ZNF395: variants seen among roughly 807,000 people sequenced by gnomAD.
ZNF395 encodes HD gene regulatory region-binding protein 2.
A neutral mutation model predicts 57.7 loss-of-function variants in ZNF395; 20 were observed. The ratio of observed to expected loss-of-function variants is 0.35; its 90% CI spans 0.24 to 0.50. The LOEUF is 0.50. Ranked by LOEUF, ZNF395 falls within the 20% of genes least tolerant of loss-of-function variation. ZNF395 has a pLI of 0.97. For missense variants in ZNF395, 606 were observed against 671.2 expected (o/e 0.90, Z 1.07); for synonymous variants, 295 against 275.9 (o/e 1.07, Z -0.69).
chr8:28,383,406 T>C (rs1444851702), intron 1 of ZNF395, among the ~76,000 whole-genome samples: 3 of 152,146 alleles, frequency 2.0e-5, no homozygotes, highest in African/African-American at 7.2e-5. Context: ...CTAGGGCTAA[T>C]GTCTTCCTGC....
Position 28,349,136 on chromosome 8 carries a change from C to A in ZNF395, c.1419G>T (p.Gln473His), listed in dbSNP as rs564866803. ...AGCGGACATCTCACCTGGCACCACT[C>A]TGGGCCCGGGGTGGAGAAGTGACGA... ...HLIVTSPPRA[Q>H]SGARKARGEA... is the part of the protein sequence containing the mutation. The change falls in exon 9 of 10, where the codon CAG (glutamine) becomes CAT (histidine). Residue 473 changes from glutamine to histidine, a missense_variant. Physicochemically the swap from Gln to His is conservative, Grantham distance 24 (BLOSUM62 0). Around this residue, in one of 3 missense-constraint regions of ZNF395, gnomAD observed 261 missense variants for 240.3 expected, o/e 1.09. Transcript: ENST00000344423. 1.7e-5 allele frequency: 26 copies of A among 1,566,774 alleles called. 1 individual carries two copies. The South Asian group carries it at 2.3e-4, about 14-fold the overall frequency.
chr8:28,356,205 G>A lies in ZNF395; in HGVS notation c.583+465C>T, dbSNP rs1801777614. ...GCAATTAGATTTACTTTAGAATTTA[G>A]CTCATTTATTCCGGGTCCTTGTCCC... On this transcript the variant is annotated intron_variant, in intron 4 of 9. Coordinates refer to ENST00000344423, the MANE Select transcript of ZNF395 (RefSeq NM_018660.3). This position sits in a 1 kb window ranked among gnomAD's most constrained non-coding sequence, Gnocchi z 4.0. Among the ~76,000 whole-genome samples the A allele has an allele frequency of 6.6e-6, 1 of 152,170 alleles. No homozygotes were observed. The highest frequency in any genetic ancestry group is 2.1e-4 in the South Asian group (1 of 4,828).
Position 28,352,863 on chromosome 8 carries a change from T to C in ZNF395, c.820-190A>G, listed in dbSNP as rs1287707943. 6.6e-6 allele frequency among the ~76,000 whole-genome samples: 1 copy of C among 152,184 alleles called. No individual in the cohort carries two copies. Among genetic ancestry groups the C allele is most frequent in the African/African-American group, 2.4e-5 (1 of 41,448 alleles). On this transcript the variant is annotated intron_variant, in intron 5 of 9. Coordinates refer to ENST00000344423, the MANE Select transcript of ZNF395 (RefSeq NM_018660.3). The surrounding 1 kb of genome is among the most constrained non-coding windows in gnomAD (Gnocchi z 4.0). ...AAAGCCCCAATCTAAGAGATGGTCC[T>C]AGTGGCCAACAGCAGTGCTCCATGC...
At chr8:28,368,057 G>T (rs922275717) in intron 1 of ZNF395, among the ~76,000 whole-genome samples, 4 of 152,130 alleles carry the variant, frequency 2.6e-5, no homozygotes, top group Non-Finnish European at 5.9e-5. Context: ...TATGTGGTGG[G>T]GCAGGGGCAG....
chr8:28,385,962 C>G (rs1052271150), intron 1 of ZNF395: 3 of 146,754 alleles, frequency 2.0e-5, no homozygotes, highest in Non-Finnish European at 4.6e-5. Context: ...GCGGCCGCCC[C>G]CGTCCCCGGC....
intron 4 of ZNF395, among the ~76,000 whole-genome samples, chr8:28,354,110 C>G (rs998604459): frequency 2.6e-4 from 39 of 152,336 alleles, no homozygotes; most frequent in African/African-American, 8.9e-4. Context: ...AAGACAAGCT[C>G]TGCGAGCAAT....
At position 28,352,644 on chromosome 8, in the gene ZNF395, C is replaced by T; in HGVS notation, c.849G>A (p.Leu283=). The change falls in exon 6 of 10, where the codon CTG becomes CTA. Residue 283 remains leucine (L), a synonymous_variant. Transcript: ENST00000344423. This position sits in a 1 kb window ranked among gnomAD's most constrained non-coding sequence, Gnocchi z 4.0. ...GCAGAACTTTGCCACAGTTTGGCCA[C>T]AGGCACTTGTACATCACCTTCACAG... ...KNSVKVMYKC[L]WPNCGKVLRS... is the part of the protein sequence containing the mutation. The T allele has an allele frequency of 1.2e-6, 2 of 1,614,208 alleles. No homozygotes were observed. Among genetic ancestry groups the T allele is most frequent in the South Asian group, 1.1e-5 (1 of 91,084 alleles).
chr8:28,361,176 C>A lies in ZNF395; in HGVS notation c.-52G>T. ...GCGAAGGGGACACTGAAGCCTCTGC[C>A]CATCACCTGGGGGAATCAGGAAGCT... On this transcript the variant is annotated 5_prime_UTR_variant, in exon 2 of 10. Coordinates refer to ENST00000344423, the MANE Select transcript of ZNF395 (RefSeq NM_018660.3). 6.2e-7 allele frequency: 1 copy of A among 1,605,074 alleles called. No homozygotes were observed. The highest frequency in any genetic ancestry group is 2.2e-5 in the East Asian group (1 of 44,880).
intron 1 of ZNF395, among the ~76,000 whole-genome samples, chr8:28,373,090 C>T (rs1221855042): frequency 6.6e-6 from 1 of 152,188 alleles, no homozygotes; most frequent in Non-Finnish European, 1.5e-5. Flanking sequence ...TGAATGAATG[C>T]ACGAGTGGGG....
intron 4 of ZNF395, among the ~76,000 whole-genome samples, chr8:28,354,137 T>C (rs1022651838): frequency 1.4e-4 from 21 of 152,286 alleles, no homozygotes; most frequent in Non-Finnish European, 2.4e-4. Context: ...CATCGCAAGG[T>C]GGCAGGGGGC....
chr8:28,351,946 CT>C, intron 6 of ZNF395, 139 bp from the exon 7 acceptor site: 4 of 942,712 alleles, frequency 4.2e-6, no homozygotes. Context: ...ACCCAGGTGC[CT>C]CGCTCCTGAC....
chr8:28,352,528 C>T lies in ZNF395; in HGVS notation c.920+45G>A. On this transcript the variant is annotated intron_variant, in intron 6 of 9. Coordinates refer to ENST00000344423, the MANE Select transcript of ZNF395 (RefSeq NM_018660.3). The surrounding 1 kb of genome is among the most constrained non-coding windows in gnomAD (Gnocchi z 4.0). Reference sequence around the variant, plus strand: ...ACAGGGACTCGGCAGGGTGGAGGGACACCCACACGCGACCCTAGGCTAGAG... The same window carrying T: ...ACAGGGACTCGGCAGGGTGGAGGGATACCCACACGCGACCCTAGGCTAGAG... 1.9e-6 allele frequency: 3 copies of T among 1,556,960 alleles called. No individual in the cohort carries two copies. The highest frequency in any genetic ancestry group is 1.8e-6 in the Non-Finnish European group (2 of 1,130,480).
intron 3 of ZNF395, among the ~76,000 whole-genome samples, chr8:28,357,563 C>T (rs1801795958): frequency 6.6e-6 from 1 of 152,218 alleles, no homozygotes; most frequent in Non-Finnish European, 1.5e-5. Context: ...TTTCAAAAAG[C>T]TGTCTTAATT....
Position 28,359,554 on chromosome 8 carries a change from C to A in ZNF395, c.473+38G>T. The A allele has an allele frequency of 6.4e-7, 1 of 1,551,208 alleles. No individual in the cohort carries two copies. Among genetic ancestry groups the A allele is most frequent in the Non-Finnish European group, 8.7e-7 (1 of 1,145,888 alleles). ...CCACACCCTTACACCACACTACCCA[C>A]GTGACTTTTAAAACCCAGTTTCTTC... On this transcript the variant is annotated intron_variant, in intron 3 of 9. Transcript: ENST00000344423. This position sits in a 1 kb window ranked among gnomAD's most constrained non-coding sequence, Gnocchi z 4.7.
intron 4 of ZNF395, 39 bp from the exon 5 acceptor site, chr8:28,353,447 C>G: frequency 6.9e-7 from 1 of 1,441,058 alleles, no homozygotes; most frequent in Non-Finnish European, 9.2e-7. Context: ...CGCTCACGGG[C>G]GTGTCCCTGG....
chr8:28,348,528 C>CT lies in ZNF395; in HGVS notation c.*190dup, dbSNP rs1563335065. On this transcript the variant is annotated 3_prime_UTR_variant, in exon 10 of 10. Transcript: ENST00000344423. ...TTTAGGGGGAAAAATATTTTTGTTT[C>CT]TTTTTTTTAAAAAATAAAATGTTCG... 4.7e-5 allele frequency: 28 copies of CT among 590,536 alleles called. No homozygotes were observed. The highest frequency in any genetic ancestry group is 5.9e-5 in the East Asian group (2 of 33,778). The allele number at this position is 590,536 out of a possible 1,614,324, so 36.6% of individuals were successfully genotyped here. A position where few individuals can be genotyped will look rare whatever the true frequency, so the allele number is the denominator to read the frequency against.
In ZNF395 at chr8:28,352,522, G is replaced by T; in HGVS notation, c.920+51C>A. ...TGGGTCACAGGGACTCGGCAGGGTG[G>T]AGGGACACCCACACGCGACCCTAGG... is the stretch of plus-strand genomic sequence containing the variant. On this transcript the variant is annotated intron_variant, in intron 6 of 9. Coordinates refer to ENST00000344423, the MANE Select transcript of ZNF395 (RefSeq NM_018660.3). This position sits in a 1 kb window ranked among gnomAD's most constrained non-coding sequence, Gnocchi z 4.0. The T allele has an allele frequency of 6.6e-7, 1 of 1,524,052 alleles. No homozygotes were observed. The highest frequency in any genetic ancestry group is 9.1e-7 in the Non-Finnish European group (1 of 1,100,998). 94.4% of individuals were successfully genotyped at this position (1,524,052 alleles called of 1,614,324 possible).
At chr8:28,368,310 T>A (rs1388392147) in intron 1 of ZNF395, 3 of 152,226 alleles carry the variant, frequency 2.0e-5, no homozygotes, top group Admixed American at 2.0e-4. Context: ...AATGCTTGAA[T>A]GGCACTCAGG....
intron 1 of ZNF395, among the ~76,000 whole-genome samples, chr8:28,378,704 T>C (rs1289374928): frequency 2.0e-5 from 3 of 152,206 alleles, no homozygotes; most frequent in African/African-American, 7.2e-5. Context: ...TCTTTCGGCT[T>C]TGACAAGTCA....
Sources: allele counts gnomAD v4.1 joint callset (sites outside exome capture counted in the v4.1 genomes callset), GRCh38; gene constraint gnomAD v4.1.1; regional missense constraint gnomAD v4.1.1; non-coding constraint Gnocchi (gnomAD v3.1); transcripts MANE v1.5; gene names NCBI Gene and HGNC (gene_info 2026-07-23, HGNC 2026-07-21).